DCC: variants seen among roughly 807,000 people sequenced by gnomAD.
The protein encoded by DCC is DCC netrin 1 receptor.
DCC carries 58 observed loss-of-function variants against 172.5 expected under a neutral mutation model. That is an observed-to-expected ratio of 0.34 (90% CI 0.27 to 0.42). DCC has a LOEUF of 0.42. Among genes scored for constraint, DCC ranks in the 10% least tolerant of loss-of-function variants. DCC has a pLI of 1.00. For synonymous variants in DCC, 709 were observed against 644.5 expected (o/e 1.10, Z -1.52); for missense variants, 1,740 against 1,791.0 (o/e 0.97, Z 0.51).
chr18:53,386,468 C>G (rs986235107), intron 16 of DCC, among the ~76,000 whole-genome samples: 2 of 152,146 alleles, frequency 1.3e-5, no homozygotes, highest in African/African-American at 4.8e-5. Flanking sequence ...ATGCTTCCAT[C>G]TCCTGAGCAG....
At chr18:53,266,856 T>C (rs1414809711) in intron 12 of DCC, among the ~76,000 whole-genome samples, 4 of 152,006 alleles carry the variant, frequency 2.6e-5, no homozygotes, top group African/African-American at 9.7e-5. Flanking sequence ...GTGCCAATAT[T>C]TTATTCCTTT....
intron 3 of DCC, among the ~76,000 whole-genome samples, chr18:52,915,451 A>G (rs1039619993): frequency 3.9e-5 from 6 of 152,176 alleles, no homozygotes; most frequent in Admixed American, 3.3e-4. Flanking sequence ...TCAGTATGTC[A>G]CACACACTCA....
intron 5 of DCC, among the ~76,000 whole-genome samples, chr18:52,988,177 C>A (rs1188182853): frequency 6.6e-6 from 1 of 151,934 alleles, no homozygotes; most frequent in East Asian, 1.9e-4. Context: ...GTGTGTTTAG[C>A]ACATTTTTAG....
At chr18:53,178,040 T>C (rs917131154) in intron 8 of DCC, among the ~76,000 whole-genome samples, 4 of 152,198 alleles carry the variant, frequency 2.6e-5, no homozygotes, top group East Asian at 1.9e-4. Context: ...AAGCAAGAGA[T>C]ATTATCTAGA....
At chr18:52,834,614 TA>T (rs2038671170) in intron 2 of DCC, among the ~76,000 whole-genome samples, 2 of 152,188 alleles carry the variant, frequency 1.3e-5, no homozygotes, top group South Asian at 4.1e-4. Flanking sequence ...GTGTGCCTTC[TA>T]CACCAAAATA....
intron 2 of DCC, among the ~76,000 whole-genome samples, chr18:52,860,037 G>T (rs1369455226): frequency 6.6e-6 from 1 of 152,206 alleles, no homozygotes; most frequent in Admixed American, 6.5e-5. Context: ...TTCCATTCTA[G>T]CAGGTGCATT....
intron 7 of DCC, among the ~76,000 whole-genome samples, chr18:53,090,919 T>C (rs548139884): frequency 1.3e-5 from 2 of 151,986 alleles, no homozygotes; most frequent in East Asian, 3.9e-4. Flanking sequence ...CCTTGTTCTA[T>C]AGAAGCATGT....
rs1270659885 is a variant in DCC at position 52,883,350 on chromosome 18, A to ATT, written c.413-22693_413-22692insTT. ...TTTTTATTTATTTATTTATTTATTT[A>ATT]TGTGTGTGTGTGTGTGTGTGTGTGT... On this transcript the variant is annotated intron_variant, in intron 2 of 28. Transcript: ENST00000442544. Among the ~76,000 whole-genome samples the ATT allele has an allele frequency of 8.8e-3, 300 of 34,106 alleles. 3 individuals carry two copies. The highest frequency in any genetic ancestry group is 0.022 in the African/African-American group (291 of 13,278). The allele number at this position is 34,106 out of a possible 152,430, so 22.4% of individuals were successfully genotyped here. A position where few individuals can be genotyped will look rare whatever the true frequency, so the allele number is the denominator to read the frequency against.
chr18:53,061,171 G>A (rs753014396), intron 5 of DCC, among the ~76,000 whole-genome samples: 6 of 152,046 alleles, frequency 3.9e-5, no homozygotes, highest in Admixed American at 2.6e-4. Context: ...AGAGGCACTC[G>A]CAGTGAGAGA....
rs140121256 is a variant in DCC at position 52,543,879 on chromosome 18, T to C, written c.91+203001T>C. 5.3e-5 allele frequency among the ~76,000 whole-genome samples: 8 copies of C among 152,310 alleles called. No homozygotes were observed. The East Asian group carries it at 1.2e-3, about 22-fold the overall frequency. ...TGTGTCCTATCAGAACCAGTTTCTG[T>C]AGTAGCTGCAAACTGCAGTCTTCAA... On this transcript the variant is annotated intron_variant, in intron 1 of 28. Coordinates refer to ENST00000442544, the MANE Select transcript of DCC (RefSeq NM_005215.4).
intron 5 of DCC, among the ~76,000 whole-genome samples, chr18:52,936,881 GGAGCAATATATGCCATTTCTT>G (rs1720728972): frequency 6.6e-6 from 1 of 152,052 alleles, no homozygotes; most frequent in Non-Finnish European, 1.5e-5. Flanking sequence ...CAAAGACTAG[GGAGCAATATATGCCATTTCTT>G]CATACACTTT....
intron 1 of DCC, among the ~76,000 whole-genome samples, chr18:52,473,927 T>G (rs971040017): frequency 1.2e-4 from 19 of 152,034 alleles, no homozygotes; most frequent in African/African-American, 4.3e-4. Context: ...CCTTCCACCT[T>G]CCTCTTCTGA....
At chr18:53,120,028 A>T (rs926691533) in intron 7 of DCC, among the ~76,000 whole-genome samples, 2 of 151,810 alleles carry the variant, frequency 1.3e-5, no homozygotes, top group Admixed American at 6.6e-5. Flanking sequence ...TTACCCTGAA[A>T]TTTTTTATTG....
chr18:52,398,777 A>G (rs1205879035), intron 1 of DCC, among the ~76,000 whole-genome samples: 2 of 151,912 alleles, frequency 1.3e-5, no homozygotes, highest in African/African-American at 2.4e-5. Flanking sequence ...GGGCTTACAT[A>G]TTGTTTTATA....
chr18:52,705,247 T>G (rs1489832498), intron 1 of DCC, among the ~76,000 whole-genome samples: 1 of 152,170 alleles, frequency 6.6e-6, no homozygotes, highest in Admixed American at 6.5e-5. Flanking sequence ...CTAATATGAT[T>G]CCTAAAAATT....
At chr18:52,734,831 A>G (rs544694704) in intron 1 of DCC, among the ~76,000 whole-genome samples, 1 of 152,308 alleles carries the variant, frequency 6.6e-6, no homozygotes, top group South Asian at 2.1e-4. Context: ...CCAAACAGGC[A>G]AAGGGATTTA....
intron 7 of DCC, among the ~76,000 whole-genome samples, chr18:53,133,214 T>C (rs892784476): frequency 6.6e-6 from 1 of 152,226 alleles, no homozygotes; most frequent in Non-Finnish European, 1.5e-5. Flanking sequence ...CTGTTCTCAC[T>C]GGTCTTGCAG....
At chr18:52,681,034 C>T (rs940727065) in intron 1 of DCC, among the ~76,000 whole-genome samples, 1 of 152,012 alleles carries the variant, frequency 6.6e-6, no homozygotes, top group Non-Finnish European at 1.5e-5. Context: ...GTGGTGGGGT[C>T]GGCATTTATT....
rs1008568255 is a variant in DCC at position 52,672,673 on chromosome 18, C to T, written c.92-79381C>T. On this transcript the variant is annotated intron_variant, in intron 1 of 28. Coordinates refer to ENST00000442544, the MANE Select transcript of DCC (RefSeq NM_005215.4). ...CCCCTTCCCCCTTGCCCCCTTCCCC[C>T]CTTCCCTCCTTCCTTCTTCCCTTGC... Among the ~76,000 whole-genome samples, 160 of 150,748 alleles carry T rather than the reference C, an allele frequency of 1.1e-3. 1 individual carries two copies. Among genetic ancestry groups the T allele is most frequent in the Non-Finnish European group, 6.9e-4 (47 of 67,704 alleles).
Sources: gnomAD v4.1 joint callset for allele counts (sites outside exome capture counted in the v4.1 genomes callset) on GRCh38, gnomAD v4.1.1 for gene constraint, MANE v1.5 for transcripts, NCBI Gene and HGNC (gene_info 2026-07-23, HGNC 2026-07-21) for gene names.